Variants in NCAPD2 observed in about 807,000 individuals in gnomAD.
NCAPD2 encodes the protein non-SMC condensin I complex subunit D2, also known as condensin complex subunit 1.
In NCAPD2, 100 loss-of-function variants were observed where a neutral mutation model predicts 164.5. The observed-to-expected ratio is 0.61, with a 90% confidence interval of 0.52 to 0.72. The LOEUF is 0.72. Ranked by LOEUF, NCAPD2 falls within the 30% of genes least tolerant of loss-of-function variation. The probability of loss-of-function intolerance (pLI) is 0.00; values close to 1 mark genes in which losing one functional copy is unlikely to be tolerated. For missense variants in NCAPD2, 1,560 were observed against 1,749.2 expected (o/e 0.89, Z 1.93); for synonymous variants, 585 against 642.6 (o/e 0.91, Z 1.36).
intron 22 of NCAPD2, 137 bp from the exon 23 acceptor site, chr12:6,527,640 A>T: frequency 1.3e-6 from 1 of 786,338 alleles, no homozygotes; most frequent in Non-Finnish European, 2.1e-6. Flanking sequence ...CTTTCTCTTT[A>T]CAGACACATT....
In NCAPD2 at chr12:6,512,056, T is replaced by C. The variant is rs548994776; in HGVS notation, c.587+804T>C. Among the ~76,000 whole-genome samples, 1,379 of 151,472 alleles carry C rather than the reference T, an allele frequency of 9.1e-3. 17 individuals are homozygous for C. Among genetic ancestry groups the C allele is most frequent in the African/African-American group, 0.032 (1,322 of 41,238 alleles). On this transcript the variant is annotated intron_variant, in intron 6 of 31. Transcript: ENST00000315579. ...CAGCACTTTGGGAGGCTGAGGCAGG[T>C]GGATCACGAGGTCAGGAGATCGAGA...
chr12:6,520,807 T>C (rs1946256841), intron 13 of NCAPD2, among the ~76,000 whole-genome samples, 179 bp from the exon 14 acceptor site: 2 of 152,012 alleles, frequency 1.3e-5, no homozygotes, highest in African/African-American at 2.4e-5. Context: ...GGGAAAAAAA[T>C]AGGCAAAGTG....
intron 2 of NCAPD2, among the ~76,000 whole-genome samples, chr12:6,502,875 G>A (rs1355339528): frequency 6.6e-6 from 1 of 151,828 alleles, no homozygotes; most frequent in Non-Finnish European, 1.5e-5. Context: ...TTTTGAGACG[G>A]AGTCTCACTC....
chr12:6,503,007 G>C (rs1237489187), intron 2 of NCAPD2, among the ~76,000 whole-genome samples: 24 of 105,706 alleles, frequency 2.3e-4, no homozygotes, highest in African/African-American at 1.0e-3. Flanking sequence ...ACCACACCTG[G>C]CTTTTTTTTT....
At chr12:6,527,391 G>A (rs1311192793) in intron 22 of NCAPD2, among the ~76,000 whole-genome samples, 3 of 152,226 alleles carry the variant, frequency 2.0e-5, no homozygotes. Flanking sequence ...CCTGGCCCCG[G>A]ATGGGGCCCT....
At chr12:6,520,599 T>A (rs1946255081) in intron 13 of NCAPD2, among the ~76,000 whole-genome samples, 1 of 152,228 alleles carries the variant, frequency 6.6e-6, no homozygotes, top group Non-Finnish European at 1.5e-5. Context: ...CTACATAGAA[T>A]CTTATTGTCT....
chr12:6,523,588 G>A (rs916231200), intron 17 of NCAPD2, among the ~76,000 whole-genome samples: 4 of 152,036 alleles, frequency 2.6e-5, no homozygotes, highest in South Asian at 2.1e-4. Context: ...TAGTAGAGAC[G>A]GGGTTTCACC....
At chr12:6,518,908 C>T (rs940104542) in intron 13 of NCAPD2, among the ~76,000 whole-genome samples, 2 of 150,334 alleles carry the variant, frequency 1.3e-5, no homozygotes, top group Admixed American at 6.6e-5. Flanking sequence ...TTTTTGGAGA[C>T]GGAGTCTTGC....
At position 6,529,918 on chromosome 12, in the gene NCAPD2, T is replaced by A; in HGVS notation, c.3797T>A (p.Val1266Asp). Residue 1266 changes from valine to aspartate, a missense_variant, in exon 29 of 32, where the codon GTT (valine) becomes GAT (aspartate). Coordinates refer to ENST00000315579, the MANE Select transcript of NCAPD2 (RefSeq NM_014865.4). ...DESIFSAFLS[V>D]VGKLRRGAKP... ...TCCATCTTCAGTGCTTTTTTGTCAG[T>A]TGTAGGCAAGCTGCGACGTGGGGCC... is the stretch of plus-strand genomic sequence containing the variant. The A allele has an allele frequency of 6.2e-7, 1 of 1,614,228 alleles. No individual in the cohort carries two copies. Among genetic ancestry groups the A allele is most frequent in the Non-Finnish European group, 8.5e-7 (1 of 1,180,040 alleles).
chr12:6,510,158 GA>G (rs1297214712), intron 4 of NCAPD2, 25 bp downstream of exon 4: 1 of 1,580,484 alleles, frequency 6.3e-7, no homozygotes, highest in African/African-American at 1.4e-5. Context: ...GGGGGTAGGG[GA>G]TGGAAGGTGT....
At chr12:6,524,648 CAAA>C (rs35443041) in intron 17 of NCAPD2, among the ~76,000 whole-genome samples, 5 of 66,580 alleles carry the variant, frequency 7.5e-5, no homozygotes, top group South Asian at 6.0e-4. Flanking sequence ...GACTCTGTCT[CAAA>C]AAAAAAAAAA....
At chr12:6,497,998 A>G (rs1324955568) in intron 2 of NCAPD2, among the ~76,000 whole-genome samples, 2 of 151,270 alleles carry the variant, frequency 1.3e-5, no homozygotes, top group Non-Finnish European at 2.9e-5. Flanking sequence ...CAGTGGCTCC[A>G]TCCGAGCTCA....
chr12:6,509,991 G>A (rs1457730670), intron 3 of NCAPD2, 84 bp from the exon 4 acceptor site: 8 of 1,443,608 alleles, frequency 5.5e-6, no homozygotes, highest in Non-Finnish European at 7.7e-6. Context: ...TTAAACATTC[G>A]ATTCCACGGG....
intron 28 of NCAPD2, 73 bp from the exon 29 acceptor site, chr12:6,529,702 G>A (rs948909116): frequency 5.7e-5 from 91 of 1,601,912 alleles, no homozygotes; most frequent in Middle Eastern, 1.7e-4. Flanking sequence ...TGGGACTGGG[G>A]AGGCTGATGG....
Position 6,511,092 on chromosome 12 carries a change from A to T in NCAPD2, c.445-18A>T. On this transcript the variant is annotated intron_variant, in intron 5 of 31. Transcript: ENST00000315579. ...TTTTCCCTTATTTTTTCCTCAATGT[A>T]TACATGATCCTTTTTAGGGTAAGAA... is the stretch of plus-strand genomic sequence containing the variant. 1 of 1,612,954 alleles carries T rather than the reference A, an allele frequency of 6.2e-7. No individual in the cohort carries two copies.
intron 2 of NCAPD2, among the ~76,000 whole-genome samples, chr12:6,502,759 A>T (rs1309305533): frequency 2.6e-5 from 4 of 152,090 alleles, no homozygotes; most frequent in African/African-American, 9.7e-5. Context: ...GGCTGCAGTA[A>T]GCTATGATCC....
intron 2 of NCAPD2, among the ~76,000 whole-genome samples, chr12:6,508,260 C>T (rs1003809718): frequency 6.6e-6 from 1 of 151,962 alleles, no homozygotes; most frequent in African/African-American, 2.4e-5. Flanking sequence ...CGCCTGAGCC[C>T]AGGAGGTCAA....
chr12:6,517,317 T>C (rs186559203), intron 10 of NCAPD2, 48 bp from the exon 11 acceptor site: 1 of 1,597,232 alleles, frequency 6.3e-7, no homozygotes. Context: ...TTGAACAAAA[T>C]GGATGATGTG....
intron 2 of NCAPD2, among the ~76,000 whole-genome samples, chr12:6,497,863 C>A (rs377277039): frequency 6.6e-6 from 1 of 151,958 alleles, no homozygotes; most frequent in African/African-American, 2.4e-5. Context: ...ATGATCCACC[C>A]GCCTCGACCT....
Sources: gnomAD v4.1 joint callset for allele counts (sites outside exome capture counted in the v4.1 genomes callset) on GRCh38, gnomAD v4.1.1 for gene constraint, MANE v1.5 for transcripts, NCBI Gene and HGNC (gene_info 2026-07-23, HGNC 2026-07-21) for gene names.